The following SFSWAP variants were observed in gnomAD, a reference collection of about 807,000 sequenced individuals.
The protein encoded by SFSWAP is splicing factor, suppressor of white-apricot homolog.
SFSWAP carries 17 observed loss-of-function variants against 100.7 expected under a neutral mutation model. The observed-to-expected ratio is 0.17, with a 90% CI of 0.12 to 0.25. The LOEUF (loss-of-function observed/expected upper bound fraction) is 0.25. Among genes scored for constraint, SFSWAP ranks in the 10% least tolerant of loss-of-function variants. SFSWAP has a pLI of 1.00. For synonymous variants in SFSWAP, 504 were observed against 510.1 expected (o/e 0.99, Z 0.16); for missense variants, 1,005 against 1,262.6 (o/e 0.80, Z 3.09).
chr12:131,736,321 A>G (rs766782668), intron 7 of SFSWAP, among the ~76,000 whole-genome samples: 2 of 152,250 alleles, frequency 1.3e-5, no homozygotes, highest in Admixed American at 6.5e-5. Context: ...AGTTGTGGAA[A>G]TTCTTAGGAA....
At chr12:131,779,271 G>T in intron 14 of SFSWAP, among the ~76,000 whole-genome samples, 1 of 150,984 alleles carries the variant, frequency 6.6e-6, no homozygotes, top group East Asian at 2.0e-4. Flanking sequence ...GAGTGTGTGT[G>T]AAGAGGGCGG....
At chr12:131,715,106 G>A (rs1262952086) in intron 3 of SFSWAP, among the ~76,000 whole-genome samples, 153 bp downstream of exon 3, 1 of 152,256 alleles carries the variant, frequency 6.6e-6, no homozygotes, top group Admixed American at 6.5e-5. Flanking sequence ...TCCTTCTTTT[G>A]GTAAAACGAA....
At chr12:131,755,589 C>A in intron 10 of SFSWAP, 110 bp downstream of exon 10, 1 of 721,968 alleles carries the variant, frequency 1.4e-6, no homozygotes, top group Non-Finnish European at 2.4e-6. Context: ...CTGGGTGATT[C>A]TTCACCTTTT....
Position 131,711,370 on chromosome 12 carries a change from C to T in SFSWAP, c.141C>T (p.Asp47=), listed in dbSNP as rs946277040. ...GCTATGCCTGCAAGCTGTTCCGGGA[C>T]GACGAGCGGGCCCTGGCTCAGGAAC... The part of the protein sequence containing the change: ...VFGYACKLFR[D]DERALAQEQG... The change falls in exon 1 of 18, where the codon GAC becomes GAT. Residue 47 remains aspartate, a synonymous_variant. Coordinates refer to ENST00000261674, the MANE Select transcript of SFSWAP (RefSeq NM_004592.4). The surrounding 1 kb of genome is among the most constrained non-coding windows in gnomAD (Gnocchi z 4.9). 1 of 1,613,954 alleles carries T rather than the reference C, an allele frequency of 6.2e-7. No individual in the cohort carries two copies. The highest frequency in any genetic ancestry group is 8.5e-7 in the Non-Finnish European group (1 of 1,180,026).
At chr12:131,773,274 C>A (rs985803936) in intron 13 of SFSWAP, among the ~76,000 whole-genome samples, 1 of 152,138 alleles carries the variant, frequency 6.6e-6, no homozygotes, top group Non-Finnish European at 1.5e-5. Context: ...TCATTGAACC[C>A]CTTTTTTCAT....
rs1271799697 is a variant in SFSWAP at position 131,730,496 on chromosome 12, G to A, written c.1081+2068G>A. Among the ~76,000 whole-genome samples, 2 of 152,224 alleles carry A rather than the reference G, an allele frequency of 1.3e-5. No homozygotes were observed. ...AGGACCAGGCAGGATGGTGGAGCCG[G>A]CTGGTAGTGGCCGTTCTGTGACACA... On this transcript the variant is annotated intron_variant, in intron 7 of 17. Coordinates refer to ENST00000261674, the MANE Select transcript of SFSWAP (RefSeq NM_004592.4). This position sits in a 1 kb window ranked among gnomAD's most constrained non-coding sequence, Gnocchi z 4.0.
At chr12:131,737,036 A>AT (rs1880095969) in intron 7 of SFSWAP, among the ~76,000 whole-genome samples, 1 of 152,152 alleles carries the variant, frequency 6.6e-6, no homozygotes, top group Admixed American at 6.5e-5. Flanking sequence ...ATAGATACTC[A>AT]TCATAGTACA....
intron 7 of SFSWAP, among the ~76,000 whole-genome samples, chr12:131,736,582 C>T (rs1409672305): frequency 6.6e-6 from 1 of 152,070 alleles, no homozygotes; most frequent in Non-Finnish European, 1.5e-5. Context: ...GTCCGCCGAC[C>T]GTAGAACCTG....
In SFSWAP at chr12:131,756,475, T is replaced by A; in HGVS notation, c.1551T>A (p.Ala517=). The part of the protein sequence containing the change: ...LQKEGGDSMQ[A]VSAPEEAPTD... ...TTATAGTGACATTTAATCTCTAGGC[T>A]GTGTCTGCACCAGAAGAGGCTCCCA... Residue 517 remains alanine (A), a splice_region_variant and synonymous_variant, in exon 11 of 18, where the codon GCT becomes GCA. Transcript: ENST00000261674. The A allele has an allele frequency of 6.2e-7, 1 of 1,613,660 alleles. No homozygotes were observed. The highest frequency in any genetic ancestry group is 8.5e-7 in the Non-Finnish European group (1 of 1,179,814).
chr12:131,720,023 C>T (rs1331059219), intron 4 of SFSWAP, among the ~76,000 whole-genome samples: 2 of 152,170 alleles, frequency 1.3e-5, no homozygotes, highest in Non-Finnish European at 2.9e-5. Context: ...GCCCAGGCCA[C>T]CCTTCCACTG....
chr12:131,713,340 A>C (rs1877567333), intron 1 of SFSWAP: 1 of 152,230 alleles, frequency 6.6e-6, no homozygotes, highest in Non-Finnish European at 1.5e-5. Context: ...AGAAACATGG[A>C]AGTGTCTTCA....
chr12:131,721,731 G>C (rs114673775), intron 4 of SFSWAP, among the ~76,000 whole-genome samples: 2,023 of 152,276 alleles, frequency 0.013, 44 homozygotes, highest in African/African-American at 0.045. Context: ...TAGTCTGCCA[G>C]ATCAAACATA....
At chr12:131,718,882 G>T (rs1271531894) in intron 3 of SFSWAP, among the ~76,000 whole-genome samples, 1 of 152,196 alleles carries the variant, frequency 6.6e-6, no homozygotes, top group Non-Finnish European at 1.5e-5. Flanking sequence ...TTGGCCCTGG[G>T]AGTGGATGTG....
intron 16 of SFSWAP, among the ~76,000 whole-genome samples, chr12:131,797,673 A>G (rs987885906): frequency 6.6e-6 from 1 of 152,224 alleles, no homozygotes; most frequent in Non-Finnish European, 1.5e-5. Flanking sequence ...TGGGCTGTGC[A>G]ATGACCAGTA....
chr12:131,799,545 G>A lies in SFSWAP; in HGVS notation c.*57G>A, dbSNP rs936884624. The A allele has an allele frequency of 2.0e-5, 30 of 1,472,248 alleles. No individual in the cohort carries two copies. The highest frequency in any genetic ancestry group is 7.4e-5 in the Admixed American group (4 of 53,982). The allele number at this position is 1,472,248 out of a possible 1,614,324, so 91.2% of individuals were successfully genotyped here. A position where few individuals can be genotyped will look rare whatever the true frequency, so the allele number is the denominator to read the frequency against. On this transcript the variant is annotated 3_prime_UTR_variant, in exon 18 of 18. Coordinates refer to ENST00000261674, the MANE Select transcript of SFSWAP (RefSeq NM_004592.4). The stretch of plus-strand genomic sequence containing the variant: ...TGCGTGGGCTTCTGGGCAGGCTCAC[G>A]CAGACGCCGGCCACACCATCCACCT...
chr12:131,797,268 AGCGCCCCGGCCC>A lies in SFSWAP; in HGVS notation c.2629_2640del (p.Pro877_Ala880del), dbSNP rs763573109. 5.6e-6 allele frequency: 9 copies of A among 1,612,568 alleles called. No homozygotes were observed. The highest frequency in any genetic ancestry group is 2.2e-5 in the South Asian group (2 of 91,044). On this transcript the variant is annotated inframe_deletion, in exon 16 of 18. Coordinates refer to ENST00000261674, the MANE Select transcript of SFSWAP (RefSeq NM_004592.4). Reference sequence around the variant, plus strand: ...AGTCGGTGTCACCCAGCAAGCAGGCAGCGCCCCGGCCCGCGGCCCCCGCGGCCCACTCGGCGC... The same window carrying A: ...AGTCGGTGTCACCCAGCAAGCAGGCAGCGGCCCCCGCGGCCCACTCGGCGC...
At chr12:131,737,416 G>A (rs1880139012) in intron 7 of SFSWAP, among the ~76,000 whole-genome samples, 1 of 152,214 alleles carries the variant, frequency 6.6e-6, no homozygotes, top group African/African-American at 2.4e-5. Flanking sequence ...TTTTCAGCGT[G>A]ACTCGTCACC....
intron 4 of SFSWAP, among the ~76,000 whole-genome samples, chr12:131,719,893 G>A: frequency 6.6e-6 from 1 of 152,214 alleles, no homozygotes; most frequent in East Asian, 1.9e-4. Flanking sequence ...GATCAAGACA[G>A]CGTTGATTTC....
At chr12:131,772,682 G>C (rs1188597929) in intron 13 of SFSWAP, among the ~76,000 whole-genome samples, 3 of 152,270 alleles carry the variant, frequency 2.0e-5, no homozygotes, top group East Asian at 3.9e-4. Context: ...TCTGGGAGTG[G>C]GTGTCTGTGA....
Sources: gnomAD v4.1 joint callset for allele counts (sites outside exome capture counted in the v4.1 genomes callset) on GRCh38, gnomAD v4.1.1 for gene constraint, Gnocchi (gnomAD v3.1) non-coding constraint, MANE v1.5 for transcripts, NCBI Gene and HGNC (gene_info 2026-07-23, HGNC 2026-07-21) for gene names.